The following LMO7 variants were observed in gnomAD, a reference collection of about 807,000 sequenced individuals.
The protein encoded by LMO7 is LIM domain 7.
A neutral mutation model predicts 206.5 loss-of-function variants in LMO7; 120 were observed. That is an observed-to-expected ratio of 0.58 (90% CI 0.50 to 0.68). LMO7 has a LOEUF of 0.68. Among genes scored for constraint, LMO7 ranks in the 30% least tolerant of loss-of-function variants. The pLI is 0.00. For missense variants in LMO7, 1,959 were observed against 1,957.9 expected (o/e 1.00, Z -0.01); for synonymous variants, 706 against 681.5 (o/e 1.04, Z -0.56).
rs746507895 is a variant in LMO7 at position 75,821,588 on chromosome 13, A to G, written c.2619A>G (p.Ser873=). Residue 873 remains serine (S), a synonymous_variant, in exon 14 of 31, where the codon TCA becomes TCG. Coordinates refer to ENST00000377534, the MANE Select transcript of LMO7 (RefSeq NM_001306080.2). ...TTGGCTCTCAGACAAGGGGAATCTC[A>G]TCACTCCCCAGATCTTACACGGTAA... ...RPFGSQTRGI[S]SLPRSYTMDD... 6.2e-7 allele frequency: 1 copy of G among 1,602,170 alleles called. No individual in the cohort carries two copies. The highest frequency in any genetic ancestry group is 1.3e-5 in the African/African-American group (1 of 74,658).
chr13:75,708,737 G>T (rs1345878139), intron 1 of LMO7, among the ~76,000 whole-genome samples: 1 of 152,164 alleles, frequency 6.6e-6, no homozygotes, highest in Non-Finnish European at 1.5e-5. Context: ...ATTTTCAGAA[G>T]AATATGCCAT....
At chr13:75,840,229 C>A in intron 21 of LMO7, 119 bp downstream of exon 21, 1 of 1,379,802 alleles carries the variant, frequency 7.2e-7, no homozygotes, top group Non-Finnish European at 1.0e-6. Context: ...AGTTATCCTT[C>A]CAAGTTGAAA....
At chr13:75,644,639 C>G (rs931080634) in intron 1 of LMO7, among the ~76,000 whole-genome samples, 1 of 151,876 alleles carries the variant, frequency 6.6e-6, no homozygotes, top group Non-Finnish European at 1.5e-5. Flanking sequence ...ATATTTTTTT[C>G]TTTTTTAGAG....
intron 3 of LMO7, among the ~76,000 whole-genome samples, chr13:75,738,250 T>G (rs2046117039): frequency 6.6e-6 from 1 of 152,258 alleles, no homozygotes; most frequent in African/African-American, 2.4e-5. Flanking sequence ...CTTACATCCT[T>G]TGCTATAGTT....
chr13:75,702,667 T>G (rs544375180), intron 1 of LMO7, among the ~76,000 whole-genome samples: 2 of 152,376 alleles, frequency 1.3e-5, no homozygotes, highest in East Asian at 3.9e-4. Context: ...TAACCACATA[T>G]GCCATTTTGA....
rs956100491 is a variant in LMO7 at position 75,859,842 on chromosome 13, G to C, written c.*1899G>C. On this transcript the variant is annotated 3_prime_UTR_variant, in exon 31 of 31. Transcript: ENST00000377534. The stretch of plus-strand genomic sequence containing the variant: ...AGGCAGCCCTCAATATGCAGTGGTT[G>C]AATAAATGAATGAAGAAACCACTAT... The C allele has an allele frequency of 6.6e-6, 1 of 152,158 alleles. No homozygotes were observed. Among genetic ancestry groups the C allele is most frequent in the Non-Finnish European group, 1.5e-5 (1 of 68,030 alleles). The allele number at this position is 152,158 out of a possible 1,614,324, so 9.4% of individuals were successfully genotyped here.
At chr13:75,729,076 G>A (rs368352322) in intron 3 of LMO7, among the ~76,000 whole-genome samples, 1 of 151,968 alleles carries the variant, frequency 6.6e-6, no homozygotes, top group African/African-American at 2.4e-5. Flanking sequence ...CTCCAGCTTT[G>A]TTCTTTTGGC....
intron 4 of LMO7, among the ~76,000 whole-genome samples, chr13:75,763,593 G>A (rs1566406889): frequency 6.6e-6 from 1 of 152,140 alleles, no homozygotes; most frequent in African/African-American, 2.4e-5. Context: ...TTAACAAGGT[G>A]TAGCAAATGA....
rs781219107 is a variant in LMO7, at chr13:75,805,719, G to T, written c.1155G>T (p.Arg385Ser). The change falls in exon 9 of 31, where the codon AGG becomes AGT. Residue 385 changes from arginine to serine, a missense_variant. Transcript: ENST00000377534. ...PEDVNWKRIK[R>S]ETYKPWYKEF... ...ATGTGAACTGGAAAAGAATAAAAAG[G>T]GAAACTTATAAGCCATGGTATAAAG... 5.0e-6 allele frequency: 8 copies of T among 1,613,978 alleles called. No individual in the cohort carries two copies. Among genetic ancestry groups the T allele is most frequent in the Non-Finnish European group, 5.9e-6 (7 of 1,179,878 alleles).
Position 75,850,118 on chromosome 13 carries a change from T to C in LMO7, c.4364+826T>C, listed in dbSNP as rs1289715735. 2.0e-5 allele frequency among the ~76,000 whole-genome samples: 3 copies of C among 151,420 alleles called. No individual in the cohort carries two copies. In the East Asian group the frequency reaches 5.8e-4, roughly 29 times the overall value. Reference sequence around the variant, plus strand: ...GGATGACGGAGCAAGAGACTCTGTATAAAAAAAGAAAAAAGACAAAGGGAT... The same window carrying C: ...GGATGACGGAGCAAGAGACTCTGTACAAAAAAAGAAAAAAGACAAAGGGAT... On this transcript the variant is annotated intron_variant, in intron 27 of 30. Coordinates refer to ENST00000377534, the MANE Select transcript of LMO7 (RefSeq NM_001306080.2).
chr13:75,653,501 G>A (rs1438059623), intron 1 of LMO7, among the ~76,000 whole-genome samples: 2 of 152,220 alleles, frequency 1.3e-5, no homozygotes, highest in East Asian at 1.9e-4. Context: ...ACAGTGCCTG[G>A]AGCCTTGATG....
intron 3 of LMO7, among the ~76,000 whole-genome samples, chr13:75,733,003 C>T (rs1009251638): frequency 6.6e-6 from 1 of 152,116 alleles, no homozygotes; most frequent in Non-Finnish European, 1.5e-5. Flanking sequence ...CAGAGGAGTT[C>T]CCAGCCATGT....
At chr13:75,737,237 A>G (rs2045901446) in intron 3 of LMO7, among the ~76,000 whole-genome samples, 2 of 152,142 alleles carry the variant, frequency 1.3e-5, no homozygotes, top group African/African-American at 2.4e-5. Flanking sequence ...TGATGCATCT[A>G]CAAGCCAGAG....
intron 3 of LMO7, among the ~76,000 whole-genome samples, chr13:75,746,975 T>TA (rs964257326): frequency 5.3e-5 from 8 of 150,824 alleles, no homozygotes; most frequent in South Asian, 2.1e-4. Context: ...TTGTTTACAT[T>TA]AAAAAAAAAG....
At chr13:75,827,444 A>G (rs1340147802) in intron 15 of LMO7, among the ~76,000 whole-genome samples, 2 of 152,200 alleles carry the variant, frequency 1.3e-5, no homozygotes, top group Non-Finnish European at 1.5e-5. Flanking sequence ...GAAGAACTTA[A>G]TATGGTCTTA....
intron 1 of LMO7, among the ~76,000 whole-genome samples, chr13:75,646,692 T>G (rs1252181286): frequency 2.6e-5 from 4 of 152,036 alleles, no homozygotes; most frequent in Admixed American, 6.6e-5. Context: ...CAAGCGATTC[T>G]CCTGCCTCAG....
intron 4 of LMO7, among the ~76,000 whole-genome samples, chr13:75,774,176 A>G (rs1405882556): frequency 1.3e-5 from 2 of 152,270 alleles, no homozygotes; most frequent in East Asian, 3.9e-4. Flanking sequence ...AACCATCACC[A>G]TAATCAAGCT....
At chr13:75,655,671 A>C (rs1317744718) in intron 1 of LMO7, among the ~76,000 whole-genome samples, 1 of 7,242 alleles carries the variant, frequency 1.4e-4, no homozygotes, top group Non-Finnish European at 3.5e-4. Context: ...ATATATATAT[A>C]TATATATATA....
At chr13:75,645,328 G>A (rs905832713) in intron 1 of LMO7, among the ~76,000 whole-genome samples, 1 of 152,130 alleles carries the variant, frequency 6.6e-6, no homozygotes, top group Admixed American at 6.6e-5. Flanking sequence ...CTAGATGTGT[G>A]AACAGGGAAA....
Sources: gnomAD v4.1 joint callset for allele counts (sites outside exome capture counted in the v4.1 genomes callset) on GRCh38, gnomAD v4.1.1 for gene constraint, MANE v1.5 for transcripts, NCBI Gene and HGNC (gene_info 2026-07-23, HGNC 2026-07-21) for gene names.